SNX8: variants seen among roughly 807,000 people sequenced by gnomAD.
SNX8 encodes sorting nexin-8.
A neutral mutation model predicts 51.6 loss-of-function variants in SNX8; 25 were observed. That is an observed-to-expected ratio of 0.48 (90% CI 0.35 to 0.68). SNX8 has a LOEUF of 0.68. Among genes scored for constraint, SNX8 ranks in the 30% least tolerant of loss-of-function variants. SNX8 has a pLI of 0.00. For synonymous variants in SNX8, 324 were observed against 277.0 expected (o/e 1.17, Z -1.68); for missense variants, 695 against 624.0 (o/e 1.11, Z -1.21).
intron 1 of SNX8, among the ~76,000 whole-genome samples, chr7:2,279,462 A>T (rs1450895659): frequency 1.3e-5 from 2 of 152,192 alleles, no homozygotes; most frequent in Non-Finnish European, 2.9e-5. Context: ...GTTCAAAAAA[A>T]TCATGGTGGT....
chr7:2,274,406 C>T (rs1019866109), intron 3 of SNX8, among the ~76,000 whole-genome samples: 4 of 152,256 alleles, frequency 2.6e-5, no homozygotes, highest in Non-Finnish European at 5.9e-5. Context: ...GCTCTAAGCA[C>T]TCATTTCCCC....
upstream of SNX8, among the ~76,000 whole-genome samples, chr7:2,315,339 C>T (rs1796736862): frequency 6.8e-6 from 1 of 147,918 alleles, no homozygotes; most frequent in Admixed American, 6.8e-5. Flanking sequence ...CACTCACTCT[C>T]TGCATCCTGC....
chr7:2,266,352 T>C (rs1384273595), intron 5 of SNX8, among the ~76,000 whole-genome samples: 2 of 13,650 alleles, frequency 1.5e-4, no homozygotes, highest in East Asian at 6.5e-3. Context: ...GCCTGGCTAA[T>C]TTTTTTTTTC....
chr7:2,267,211 G>A (rs4721528), intron 5 of SNX8, among the ~76,000 whole-genome samples: 128,638 of 152,236 alleles, frequency 0.84, 55,393 homozygotes, highest in Non-Finnish European at 0.94. Flanking sequence ...TCCCTGCCAC[G>A]CAGAGGAGGC....
In SNX8 at chr7:2,256,801, C is replaced by T. The variant is rs1795192239; in HGVS notation, c.1284+73G>A. ...CTAGGGCGGCCGGCCACCGCGCTGCCGGGCTTGAAGGAAGGGCGGAGGGAC... is the reference window on the plus strand; with the variant it reads ...CTAGGGCGGCCGGCCACCGCGCTGCTGGGCTTGAAGGAAGGGCGGAGGGAC... On this transcript the variant is annotated intron_variant, in intron 10 of 10. Transcript: ENST00000222990. 6 of 1,512,394 alleles carry T rather than the reference C, an allele frequency of 4.0e-6. No homozygotes were observed. The South Asian group carries it at 5.0e-5, about 13-fold the overall frequency. The allele number at this position is 1,512,394 out of a possible 1,614,324, so 93.7% of individuals were successfully genotyped here.
At chr7:2,279,523 A>G (rs897006497) in intron 1 of SNX8, among the ~76,000 whole-genome samples, 9 of 152,100 alleles carry the variant, frequency 5.9e-5, no homozygotes, top group Non-Finnish European at 1.3e-4. Flanking sequence ...AGACCGAGGC[A>G]AGAGGATCGC....
At chr7:2,297,157 G>A (rs918739400) in intron 1 of SNX8, among the ~76,000 whole-genome samples, 5 of 151,886 alleles carry the variant, frequency 3.3e-5, no homozygotes, top group Admixed American at 6.6e-5. Context: ...CAGCCTTTGC[G>A]GAAAACAGTA....
intron 1 of SNX8, among the ~76,000 whole-genome samples, chr7:2,325,022 TG>T (rs1269253077): frequency 4.6e-5 from 7 of 152,270 alleles, no homozygotes; most frequent in African/African-American, 1.7e-4. Context: ...TTTTGTAGAA[TG>T]GTGTCTCACT....
At chr7:2,294,706 A>C (rs764292013) in intron 1 of SNX8, among the ~76,000 whole-genome samples, 1 of 152,178 alleles carries the variant, frequency 6.6e-6, no homozygotes, top group Non-Finnish European at 1.5e-5. Context: ...ACCATCAGCA[A>C]GCAGTTCACC....
At chr7:2,324,335 G>T (rs1159644086) in intron 1 of SNX8, among the ~76,000 whole-genome samples, 1 of 148,414 alleles carries the variant, frequency 6.7e-6, no homozygotes, top group Non-Finnish European at 1.5e-5. Flanking sequence ...GTGTCGTCCA[G>T]GCTAGAGTGC....
intron 5 of SNX8, among the ~76,000 whole-genome samples, chr7:2,268,884 C>T (rs1584680473): frequency 4.2e-5 from 1 of 24,076 alleles, no homozygotes; most frequent in Non-Finnish European, 9.2e-5. Context: ...CGGCCAGCCG[C>T]CCCGTCCGGG....
intron 1 of SNX8, among the ~76,000 whole-genome samples, chr7:2,310,584 G>A (rs529680764): frequency 8.5e-5 from 13 of 152,198 alleles, no homozygotes; most frequent in Middle Eastern, 3.4e-3. Flanking sequence ...TGGCTAACAC[G>A]GTGAAATGCC....
upstream of SNX8, among the ~76,000 whole-genome samples, chr7:2,314,618 A>G (rs897825376): frequency 6.6e-6 from 1 of 151,410 alleles, no homozygotes; most frequent in African/African-American, 2.4e-5. Flanking sequence ...CCACGCCCAC[A>G]TGCCCCTCCC....
At chr7:2,321,901 T>A (rs1353818361) in intron 1 of SNX8, among the ~76,000 whole-genome samples, 1 of 151,626 alleles carries the variant, frequency 6.6e-6, no homozygotes, top group Non-Finnish European at 1.5e-5. Context: ...TTTTCGTATT[T>A]TTAGTAGAGA....
chr7:2,302,152 A>G (rs1287102348), intron 1 of SNX8, among the ~76,000 whole-genome samples: 1 of 151,802 alleles, frequency 6.6e-6, no homozygotes, highest in African/African-American at 2.4e-5. Flanking sequence ...TCTGATGCCG[A>G]GCCGAAGCTG....
At position 2,255,041 on chromosome 7, in the gene SNX8, C is replaced by A. The variant is rs1042565232; in HGVS notation, c.*15G>T. The A allele has an allele frequency of 4.6e-6, 7 of 1,520,342 alleles. No individual in the cohort carries two copies. Among genetic ancestry groups the A allele is most frequent in the South Asian group, 1.2e-5 (1 of 83,664 alleles). The allele number at this position is 1,520,342 out of a possible 1,614,324, so 94.2% of individuals were successfully genotyped here. The stretch of plus-strand genomic sequence containing the variant: ...TTTAGTGCGGCCGCAGGGAGCACCA[C>A]CTCAGCCTCAGGCGCTAGTGAGGAC... On this transcript the variant is annotated 3_prime_UTR_variant, in exon 11 of 11. Coordinates refer to ENST00000222990, the MANE Select transcript of SNX8 (RefSeq NM_013321.4).
chr7:2,332,196 T>C (rs1041700285), intron 1 of SNX8, among the ~76,000 whole-genome samples: 4 of 151,180 alleles, frequency 2.6e-5, no homozygotes, highest in Admixed American at 1.3e-4. Context: ...GACAGAGCCA[T>C]AGGCTGTCTC....
chr7:2,338,718 AAACT>A lies in SNX8; in HGVS notation c.-66+15500_-66+15503del, dbSNP rs1778872920. On this transcript the variant is annotated intron_variant, in intron 1 of 5. Coordinates refer to the SNX8 transcript ENST00000435336. The stretch of plus-strand genomic sequence containing the variant: ...TTGACCCCAACTCCATAAAATATAT[AAACT>A]AACTGTTAGAACTAACAAGAGAATT... 2.0e-5 allele frequency among the ~76,000 whole-genome samples: 3 copies of A among 152,154 alleles called. No individual in the cohort carries two copies. In the South Asian group the frequency reaches 6.2e-4, roughly 32 times the overall value.
At chr7:2,309,696 ACT>A in intron 1 of SNX8, 1 of 434,408 alleles carries the variant, frequency 2.3e-6, no homozygotes, top group South Asian at 1.7e-5. Context: ...GCGCCATCGC[ACT>A]CCAGCCTGGA....
Sources: allele counts gnomAD v4.1 joint callset (sites outside exome capture counted in the v4.1 genomes callset), GRCh38; gene constraint gnomAD v4.1.1; transcripts MANE v1.5; gene names NCBI Gene and HGNC (gene_info 2026-07-23, HGNC 2026-07-21).